MYLK: variants seen among roughly 807,000 people sequenced by gnomAD.
MYLK encodes myosin light chain kinase.
A neutral mutation model predicts 203.4 loss-of-function variants in MYLK; 106 were observed. The observed-to-expected ratio is 0.52, with a 90% confidence interval of 0.45 to 0.61. The LOEUF (loss-of-function observed/expected upper bound fraction) is 0.61, where lower values mean the gene tolerates loss of function less well. MYLK is among the 20% of genes least tolerant of loss of function. The pLI is 0.00. For missense variants in MYLK, 2,072 were observed against 2,442.3 expected (o/e 0.85, Z 3.20); for synonymous variants, 867 against 959.5 (o/e 0.90, Z 1.78).
In MYLK at chr3:123,692,765, C is replaced by T; in HGVS notation, c.3535G>A (p.Ala1179Thr). 1.2e-6 allele frequency: 2 copies of T among 1,613,996 alleles called. No individual in the cohort carries two copies. The highest frequency in any genetic ancestry group is 1.7e-6 in the Non-Finnish European group (2 of 1,180,006). ...ACGGTGACTTGGCAGGAGCACTCCG[C>T]CTGGCCAGCGTCATTCTTGGCTACA... is the stretch of plus-strand genomic sequence containing the variant. ...KCVAKNDAGQ[A>T]ECSCQVTVDD... The change falls in exon 19 of 34, where the codon GCG (alanine) becomes ACG (threonine). Residue 1179 changes from alanine to threonine, a missense_variant. Around this residue, in one of 3 missense-constraint regions of MYLK, gnomAD observed 865 missense variants for 1,016.0 expected, o/e 0.85. Transcript: ENST00000360304.
intron 4 of MYLK, among the ~76,000 whole-genome samples, chr3:123,785,864 T>C (rs951652100): frequency 6.6e-6 from 1 of 152,228 alleles, no homozygotes; most frequent in Non-Finnish European, 1.5e-5. Flanking sequence ...TTTAAATTCA[T>C]GTTAATTTAA....
intron 13 of MYLK, among the ~76,000 whole-genome samples, chr3:123,718,159 G>C (rs1337537529): frequency 2.0e-5 from 3 of 152,134 alleles, no homozygotes; most frequent in Non-Finnish European, 4.4e-5. Context: ...ACTGTGCCTA[G>C]CCCTGTTGAG....
chr3:123,831,495 G>T, intron 3 of MYLK, 53 bp downstream of exon 3: 2 of 1,190,578 alleles, frequency 1.7e-6, no homozygotes, highest in Non-Finnish European at 2.2e-6. Context: ...AGCCTCCCCA[G>T]GGTGGACTGA....
chr3:123,808,491 T>C (rs1471396751), intron 3 of MYLK, among the ~76,000 whole-genome samples: 16 of 152,170 alleles, frequency 1.1e-4, no homozygotes, highest in Non-Finnish European at 2.1e-4. Context: ...GATCATTGTA[T>C]AGGATACCAA....
At chr3:123,646,251 C>G (rs913208716) in intron 27 of MYLK, among the ~76,000 whole-genome samples, 3 of 151,996 alleles carry the variant, frequency 2.0e-5, no homozygotes, top group Non-Finnish European at 4.4e-5. Flanking sequence ...TGTCTGTATA[C>G]ACTTATATTT....
chr3:123,863,368 C>CAAA (rs35039876), intron 2 of MYLK, among the ~76,000 whole-genome samples: 1 of 29,884 alleles, frequency 3.3e-5, no homozygotes, highest in African/African-American at 1.1e-4. Context: ...ATAGCCTTGC[C>CAAA]AAAAAAAAAA....
intron 20 of MYLK, among the ~76,000 whole-genome samples, chr3:123,670,187 T>TA (rs1046238426): frequency 6.6e-6 from 1 of 151,154 alleles, no homozygotes. Context: ...TAGAAAGTTA[T>TA]AAAAAAAGAT....
chr3:123,680,264 A>G (rs968433686), intron 20 of MYLK, among the ~76,000 whole-genome samples: 1 of 152,010 alleles, frequency 6.6e-6, no homozygotes, highest in African/African-American at 2.4e-5. Context: ...CTCTGACCCC[A>G]TCTCACCTCC....
At chr3:123,672,321 T>G (rs2059941748) in intron 20 of MYLK, among the ~76,000 whole-genome samples, 1 of 151,772 alleles carries the variant, frequency 6.6e-6, no homozygotes, top group Admixed American at 6.6e-5. Context: ...AAAGAACATG[T>G]GAGGACACAG....
At chr3:123,851,305 GA>G (rs2030770119) in intron 2 of MYLK, among the ~76,000 whole-genome samples, 1 of 152,108 alleles carries the variant, frequency 6.6e-6, no homozygotes, top group Non-Finnish European at 1.5e-5. Flanking sequence ...GCTTGATGGG[GA>G]TGGCCTGAAT....
At chr3:123,791,098 ACAGGACCTGGAGGGAGGGGTGTGTCC>A (rs1408701320) in intron 4 of MYLK, among the ~76,000 whole-genome samples, 2 of 152,262 alleles carry the variant, frequency 1.3e-5, no homozygotes, top group Non-Finnish European at 2.9e-5. Context: ...AGCACCTAGA[ACAGGACCTGGAGGGAGGGGTGTGTCC>A]CAGGACCTGG....
Position 123,613,952 on chromosome 3 carries a change from ACTG to A in MYLK, c.*150_*152del, listed in dbSNP as rs1197006843. The A allele has an allele frequency of 1.1e-6, 1 of 880,852 alleles. No homozygotes were observed. Among genetic ancestry groups the A allele is most frequent in the East Asian group, 2.4e-5 (1 of 41,122 alleles). 54.6% of individuals were successfully genotyped at this position (880,852 alleles called of 1,614,324 possible). On this transcript the variant is annotated 3_prime_UTR_variant, in exon 34 of 34. Transcript: ENST00000360304. ...CCATCAATAACGCTGCTAGGTATCA[ACTG>A]CTGTTTCTGAAGAATCAACCCACAA...
intron 2 of MYLK, among the ~76,000 whole-genome samples, chr3:123,867,539 G>A (rs368045948): frequency 6.6e-6 from 1 of 151,982 alleles, no homozygotes; most frequent in Non-Finnish European, 1.5e-5. Flanking sequence ...TGTGAAGATG[G>A]ATGCAGAGAC....
chr3:123,870,591 T>C (rs1308121559), intron 2 of MYLK, among the ~76,000 whole-genome samples: 3 of 152,236 alleles, frequency 2.0e-5, no homozygotes, highest in African/African-American at 4.8e-5. Context: ...ATACAACTTG[T>C]CTGGAACAGT....
intron 20 of MYLK, among the ~76,000 whole-genome samples, chr3:123,677,918 T>TATATATATATATATATATATACAC (rs1273803739): frequency 1.5e-4 from 12 of 78,880 alleles, no homozygotes; most frequent in East Asian, 1.7e-3. Context: ...TATATATATA[T>TATATATATATATATATATATACAC]ACACACACAC....
At chr3:123,633,539 G>GT (rs1023527317) in intron 29 of MYLK, among the ~76,000 whole-genome samples, 2 of 152,174 alleles carry the variant, frequency 1.3e-5, no homozygotes, top group Non-Finnish European at 2.9e-5. Flanking sequence ...GGATTGATCT[G>GT]TTTTTCACAA....
At chr3:123,867,902 G>A (rs754272587) in intron 2 of MYLK, among the ~76,000 whole-genome samples, 1 of 152,158 alleles carries the variant, frequency 6.6e-6, no homozygotes, top group Non-Finnish European at 1.5e-5. Flanking sequence ...TCTACCTGCT[G>A]TGTACATGCA....
At chr3:123,758,832 C>CT (rs1158288361) in intron 4 of MYLK, among the ~76,000 whole-genome samples, 1 of 151,926 alleles carries the variant, frequency 6.6e-6, no homozygotes, top group Admixed American at 6.6e-5. Context: ...TTCTTTCTTT[C>CT]TTTTTTTTCT....
chr3:123,734,942 A>G (rs965440071), intron 9 of MYLK: 10 of 267,702 alleles, frequency 3.7e-5, no homozygotes, highest in Middle Eastern at 1.4e-3. Flanking sequence ...TCACAGACGC[A>G]TCCCAGTTGG....
Sources: allele counts gnomAD v4.1 joint callset (sites outside exome capture counted in the v4.1 genomes callset), GRCh38; gene constraint gnomAD v4.1.1; regional missense constraint gnomAD v4.1.1; transcripts MANE v1.5; gene names NCBI Gene and HGNC (gene_info 2026-07-23, HGNC 2026-07-21).